CHRDL1: variants seen among roughly 807,000 people sequenced by gnomAD.
CHRDL1 encodes chordin like 1.
Under a neutral mutation model 40.9 loss-of-function variants are expected in CHRDL1, and 19 were observed. That is an observed-to-expected ratio of 0.46 (90% CI 0.32 to 0.68). The LOEUF is 0.68. CHRDL1 is among the 30% of genes least tolerant of loss of function. CHRDL1 has a pLI of 0.03. For missense variants in CHRDL1, 329 were observed against 352.1 expected, an observed-to-expected ratio of 0.93 and a Z score of 0.53; for synonymous variants, 136 against 123.4, an observed-to-expected ratio of 1.10 and a Z score of -0.68.
chrX:110,743,879 G>A (rs1168244201), intron 4 of CHRDL1, among the ~76,000 whole-genome samples: 3 of 111,339 alleles, frequency 2.7e-5, no homozygotes, highest in African/African-American at 6.6e-5. Context: ...TGTTTGTGGG[G>A]ATGGTGGTGA....
At chrX:110,685,438 T>C (rs2069988509) in intron 9 of CHRDL1, among the ~76,000 whole-genome samples, 1 of 111,196 alleles carries the variant, frequency 9.0e-6, no homozygotes, top group Non-Finnish European at 1.9e-5. Flanking sequence ...AATTTTTGTA[T>C]TTTTGGTAGA....
intron 4 of CHRDL1, among the ~76,000 whole-genome samples, chrX:110,722,706 A>G (rs767037864): frequency 8.9e-6 from 1 of 111,819 alleles, no homozygotes; most frequent in Non-Finnish European, 1.9e-5. Flanking sequence ...TGCTGAGGTT[A>G]TGTGAATTAT....
chrX:110,790,511 T>C (rs2090081983), intron 2 of CHRDL1, among the ~76,000 whole-genome samples: 1 of 111,384 alleles, frequency 9.0e-6, no homozygotes, highest in Non-Finnish European at 1.9e-5. Flanking sequence ...GCTTTCCCCA[T>C]GAGGTCATCA....
chrX:110,723,809 C>T (rs1244649236), intron 4 of CHRDL1, among the ~76,000 whole-genome samples: 2 of 112,484 alleles, frequency 1.8e-5, no homozygotes, highest in Non-Finnish European at 3.8e-5. Flanking sequence ...CTATATAAGT[C>T]GATCTAACAT....
intron 4 of CHRDL1, among the ~76,000 whole-genome samples, chrX:110,758,840 A>G (rs1197818240): frequency 8.9e-6 from 1 of 111,945 alleles, no homozygotes; most frequent in African/African-American, 3.2e-5. Flanking sequence ...CCATCCAGGA[A>G]CCCTAGTTCA....
At chrX:110,723,844 G>C (rs967117198) in intron 4 of CHRDL1, among the ~76,000 whole-genome samples, 1 of 112,456 alleles carries the variant, frequency 8.9e-6, no homozygotes, top group Non-Finnish European at 1.9e-5. Context: ...TTCACTCTCA[G>C]GGTGTTAACT....
In CHRDL1 at chrX:110,762,790, T is replaced by A; in HGVS notation, c.112A>T (p.Met38Leu). 1 of 1,125,834 alleles carries A rather than the reference T, an allele frequency of 8.9e-7. No homozygotes were observed. The highest frequency in any genetic ancestry group is 1.2e-6 in the Non-Finnish European group (1 of 818,929). The allele number at this position is 1,125,834 out of a possible 1,213,427, so 92.8% of individuals were successfully genotyped here. Residue 38 changes from methionine (M) to leucine (L), a missense_variant, in exon 3 of 12, where the codon ATG becomes TTG. Transcript: ENST00000372042. ...EQVKHSETYC[M>L]FQDKKYRVGE... The stretch of plus-strand genomic sequence containing the variant: ...ACTCTGTACTTCTTGTCTTGAAACA[T>A]GCAATATGTCTCTGAATCTGTGAAG...
At chrX:110,789,776 C>T (rs983316057) in intron 2 of CHRDL1, among the ~76,000 whole-genome samples, 1 of 111,612 alleles carries the variant, frequency 9.0e-6, no homozygotes, top group Non-Finnish European at 1.9e-5. Flanking sequence ...ATGGTTATCC[C>T]AGGAGAGTGG....
chrX:110,788,184 T>C (rs952829790), intron 2 of CHRDL1, among the ~76,000 whole-genome samples: 5 of 112,281 alleles, frequency 4.5e-5, no homozygotes, highest in African/African-American at 1.6e-4. Flanking sequence ...AATGGCTCAT[T>C]CATCCATTGC....
intron 4 of CHRDL1, among the ~76,000 whole-genome samples, chrX:110,739,520 G>T (rs992744407): frequency 9.0e-6 from 1 of 111,724 alleles, no homozygotes; most frequent in African/African-American, 3.3e-5. Context: ...GTGATGAACT[G>T]TGAGACTCTA....
rs753098538 is a variant in CHRDL1, at chrX:110,689,655, TC to T, written c.779-853del. ...CTATATATCTATATATATCTATATA[TC>T]ATCTATATATCTATATATCTATATA... On this transcript the variant is annotated intron_variant, in intron 8 of 11. Coordinates refer to ENST00000372042, the MANE Select transcript of CHRDL1 (RefSeq NM_001143981.2). Among the ~76,000 whole-genome samples the T allele has an allele frequency of 2.0e-3, 28 of 14,237 alleles. 3 individuals are homozygous for T. The highest frequency in any genetic ancestry group is 3.7e-3 in the African/African-American group (3 of 819). The allele number at this position is 14,237 out of a possible 115,157, so 12.4% of individuals were successfully genotyped here. A position where few individuals can be genotyped will look rare whatever the true frequency, so the allele number is the denominator to read the frequency against.
intron 4 of CHRDL1, among the ~76,000 whole-genome samples, chrX:110,745,084 G>A (rs1164078963): frequency 9.0e-6 from 1 of 110,737 alleles, no homozygotes; most frequent in Non-Finnish European, 1.9e-5. Flanking sequence ...TGTGTAAACT[G>A]AACAAAGCTC....
intron 4 of CHRDL1, among the ~76,000 whole-genome samples, chrX:110,736,835 G>T (rs193193254): frequency 8.9e-6 from 1 of 112,076 alleles, no homozygotes; most frequent in African/African-American, 3.2e-5. Flanking sequence ...ACACTGAGCT[G>T]GTTCTGTGCT....
chrX:110,790,414 T>C (rs191912142), intron 2 of CHRDL1, among the ~76,000 whole-genome samples: 2 of 112,096 alleles, frequency 1.8e-5, no homozygotes, highest in African/African-American at 6.5e-5. Context: ...AAGTCACATC[T>C]TTCTTTGTCT....
At chrX:110,764,313 T>A (rs2089621317) in intron 2 of CHRDL1, among the ~76,000 whole-genome samples, 1 of 112,243 alleles carries the variant, frequency 8.9e-6, no homozygotes, top group African/African-American at 3.2e-5. Context: ...GAAATCCTTG[T>A]CTAAGCCAAT....
intron 7 of CHRDL1, among the ~76,000 whole-genome samples, chrX:110,694,562 T>C (rs1246482936): frequency 8.9e-6 from 1 of 111,927 alleles, no homozygotes; most frequent in African/African-American, 3.2e-5. Flanking sequence ...ATCTCTCTTC[T>C]TCTAAAAGAT....
intron 10 of CHRDL1, among the ~76,000 whole-genome samples, chrX:110,680,285 C>T (rs2069867289): frequency 8.9e-6 from 1 of 111,826 alleles, no homozygotes; most frequent in Admixed American, 9.5e-5. Flanking sequence ...AAACCAGTGC[C>T]TAGTCCTAGG....
intron 2 of CHRDL1, among the ~76,000 whole-genome samples, chrX:110,764,212 T>C (rs752784616): frequency 2.6e-4 from 29 of 112,364 alleles, no homozygotes; most frequent in Non-Finnish European, 5.1e-4. Context: ...CTGTTGACTG[T>C]TCCTTTTGCC....
intron 2 of CHRDL1, among the ~76,000 whole-genome samples, chrX:110,771,749 C>A (rs1218252321): frequency 9.0e-6 from 1 of 111,559 alleles, no homozygotes. Context: ...CTGCTTTACC[C>A]CTAAGATCAG....
Sources: allele counts gnomAD v4.1 joint callset (sites outside exome capture counted in the v4.1 genomes callset), GRCh38; gene constraint gnomAD v4.1.1; transcripts MANE v1.5; gene names NCBI Gene and HGNC (gene_info 2026-07-23, HGNC 2026-07-21).